FGF12: variants seen among roughly 807,000 people sequenced by gnomAD.
The protein encoded by FGF12 is fibroblast growth factor 12.
FGF12 carries 14 observed loss-of-function variants against 23.6 expected under a neutral mutation model. The observed-to-expected ratio is 0.59, with a 90% CI of 0.39 to 0.93. The LOEUF is 0.93. Among genes scored for constraint, FGF12 ranks in the 40% least tolerant of loss-of-function variants. The pLI, the probability that FGF12 is intolerant of heterozygous loss-of-function variation, is 0.00. For synonymous variants in FGF12, 62 were observed against 77.3 expected (o/e 0.80, Z 1.04); for missense variants, 175 against 217.8 (o/e 0.80, Z 1.24).
intron 2 of FGF12, among the ~76,000 whole-genome samples, chr3:192,370,408 T>C (rs1405512891): frequency 6.6e-6 from 1 of 152,040 alleles, no homozygotes; most frequent in East Asian, 1.9e-4. Context: ...CCAGGCATGG[T>C]GGTGCACACC....
At chr3:192,266,899 A>G (rs1713112447) in intron 4 of FGF12, 1 of 152,112 alleles carries the variant, frequency 6.6e-6, no homozygotes, top group Non-Finnish European at 1.5e-5. Context: ...GAAAAAATCT[A>G]TGAAGTGACT....
intron 2 of FGF12, chr3:192,726,972 G>T: frequency 1.6e-6 from 1 of 617,526 alleles, no homozygotes; most frequent in Non-Finnish European, 2.8e-6. Flanking sequence ...GCAACTGATG[G>T]AGTATTAAAC....
At chr3:192,679,379 C>G (rs1717439105) in intron 2 of FGF12, among the ~76,000 whole-genome samples, 1 of 152,138 alleles carries the variant, frequency 6.6e-6, no homozygotes, top group African/African-American at 2.4e-5. Flanking sequence ...AGGTGGATCA[C>G]TTGAGGTCAG....
At chr3:192,204,880 C>T (rs1300842520) in intron 4 of FGF12, among the ~76,000 whole-genome samples, 1 of 151,434 alleles carries the variant, frequency 6.6e-6, no homozygotes, top group African/African-American at 2.4e-5. Flanking sequence ...TAGAGTGAGA[C>T]TCCATCTCAA....
In FGF12 at chr3:192,142,002, C is replaced by G. The variant is rs905839149; in HGVS notation, c.*2007G>C. The G allele has an allele frequency of 6.6e-6, 1 of 151,486 alleles. No individual in the cohort carries two copies. Among genetic ancestry groups the G allele is most frequent in the Non-Finnish European group, 1.5e-5 (1 of 67,736 alleles). 9.4% of individuals were successfully genotyped at this position (151,486 alleles called of 1,614,324 possible). On this transcript the variant is annotated 3_prime_UTR_variant, in exon 6 of 6. Coordinates refer to ENST00000445105, the MANE Select transcript of FGF12 (RefSeq NM_004113.6). ...GAATCAAGAGTGACAAGAAGAAATA[C>G]AGCTAGAGTTATATTTTTGCCCCAG...
At chr3:192,304,858 T>G (rs952304421) in intron 4 of FGF12, among the ~76,000 whole-genome samples, 3 of 152,246 alleles carry the variant, frequency 2.0e-5, no homozygotes, top group East Asian at 1.9e-4. Flanking sequence ...TTTAGCTTTC[T>G]TGCTGTATAA....
intron 5 of FGF12, among the ~76,000 whole-genome samples, chr3:192,148,956 A>G (rs1420533154): frequency 6.6e-6 from 1 of 152,166 alleles, no homozygotes; most frequent in Non-Finnish European, 1.5e-5. Flanking sequence ...AAAAATAAAC[A>G]CTACAGGACT....
At chr3:192,482,185 T>A (rs1723498842) in intron 2 of FGF12, among the ~76,000 whole-genome samples, 1 of 152,174 alleles carries the variant, frequency 6.6e-6, no homozygotes, top group African/African-American at 2.4e-5. Context: ...GCAACCTTAG[T>A]GTTTTAGAAT....
chr3:192,204,506 A>G (rs1210563203), intron 4 of FGF12, among the ~76,000 whole-genome samples: 1 of 152,216 alleles, frequency 6.6e-6, no homozygotes, highest in East Asian at 1.9e-4. Context: ...CAATCCAGGC[A>G]GATAAATATG....
rs59504943 is a variant in FGF12 at position 192,279,230 on chromosome 3, G to GTATATATATATATATATATATATA, written c.228+56107_228+56130dup. Among the ~76,000 whole-genome samples the GTATATATATATATATATATATATA allele has an allele frequency of 6.5e-3, 859 of 131,662 alleles. 7 individuals carry two copies. Among genetic ancestry groups the GTATATATATATATATATATATATA allele is most frequent in the African/African-American group, 0.021 (691 of 32,258 alleles). 86.4% of individuals were successfully genotyped at this position (131,662 alleles called of 152,430 possible). ...TAAGTCATGCTTGGTTAATGTATGA[G>GTATATATATATATATATATATATA]TATATATATATATATATATATATAA... On this transcript the variant is annotated intron_variant, in intron 4 of 5. Transcript: ENST00000445105.
chr3:192,597,516 G>A (rs1285627632), intron 2 of FGF12, among the ~76,000 whole-genome samples: 1 of 149,652 alleles, frequency 6.7e-6, no homozygotes, highest in Non-Finnish European at 1.5e-5. Context: ...GAGCCACAAA[G>A]GGGAAAAAAG....
chr3:192,652,927 T>C (rs1560182626), intron 2 of FGF12, among the ~76,000 whole-genome samples: 1 of 152,100 alleles, frequency 6.6e-6, no homozygotes, highest in Non-Finnish European at 1.5e-5. Flanking sequence ...AGGTGGTGAG[T>C]CATCACTTTT....
intron 4 of FGF12, among the ~76,000 whole-genome samples, chr3:192,305,347 A>C (rs989226276): frequency 7.2e-5 from 11 of 152,166 alleles, no homozygotes; most frequent in East Asian, 1.9e-4. Flanking sequence ...GTAAAAAAAA[A>C]CAAATTTTTA....
At chr3:192,319,322 C>T (rs1183557112) in intron 4 of FGF12, among the ~76,000 whole-genome samples, 4 of 152,030 alleles carry the variant, frequency 2.6e-5, no homozygotes, top group African/African-American at 4.8e-5. Context: ...CTGGGCTGGG[C>T]GCAGTGGCTC....
chr3:192,714,866 A>G lies in FGF12; in HGVS notation c.13+12315T>C, dbSNP rs1718818478. Among the ~76,000 whole-genome samples the G allele has an allele frequency of 2.0e-5, 3 of 152,230 alleles. No homozygotes were observed. In the South Asian group the frequency reaches 6.2e-4, roughly 31 times the overall value. ...CACTTTTCGAAAGGTTATTTTCAAAAGGAACTTTACCCTAGAATACTAGTC... is the reference window on the plus strand; with the variant it reads ...CACTTTTCGAAAGGTTATTTTCAAAGGGAACTTTACCCTAGAATACTAGTC... On this transcript the variant is annotated intron_variant, in intron 2 of 5. Coordinates refer to ENST00000445105, the MANE Select transcript of FGF12 (RefSeq NM_004113.6).
intron 2 of FGF12, among the ~76,000 whole-genome samples, chr3:192,590,808 T>A (rs1713582218): frequency 6.6e-6 from 1 of 151,798 alleles, no homozygotes; most frequent in Non-Finnish European, 1.5e-5. Context: ...CTCTCAAAAG[T>A]GGCACCATCA....
At chr3:192,577,330 C>T (rs966967750) in intron 2 of FGF12, among the ~76,000 whole-genome samples, 2 of 152,094 alleles carry the variant, frequency 1.3e-5, no homozygotes, top group Non-Finnish European at 2.9e-5. Context: ...GCATATTGTC[C>T]TTAGTGCAAG....
At chr3:192,485,624 T>C (rs9853734) in intron 2 of FGF12, among the ~76,000 whole-genome samples, 15,951 of 152,134 alleles carry the variant, frequency 0.1, 2,678 homozygotes, top group African/African-American at 0.35. Context: ...AAATTTTTTT[T>C]AGTGATATCA....
chr3:192,360,777 G>C lies in FGF12; in HGVS notation c.14-239C>G. 2.0e-6 allele frequency: 1 copy of C among 506,680 alleles called. No homozygotes were observed. The highest frequency in any genetic ancestry group is 3.4e-5 in the East Asian group (1 of 29,624). 31.4% of individuals were successfully genotyped at this position (506,680 alleles called of 1,614,324 possible). A position where few individuals can be genotyped will look rare whatever the true frequency, so the allele number is the denominator to read the frequency against. Reference sequence around the variant, plus strand: ...AAATAAATAAAAGCTAATTATGATTGGGAAAATACAGAGACATGCTAAAAA... The same window carrying C: ...AAATAAATAAAAGCTAATTATGATTCGGAAAATACAGAGACATGCTAAAAA... On this transcript the variant is annotated intron_variant, in intron 2 of 5. Coordinates refer to ENST00000445105, the MANE Select transcript of FGF12 (RefSeq NM_004113.6). The surrounding 1 kb of genome is among the most constrained non-coding windows in gnomAD (Gnocchi z 4.3).
Sources: gnomAD v4.1 joint callset for allele counts (sites outside exome capture counted in the v4.1 genomes callset) on GRCh38, gnomAD v4.1.1 for gene constraint, Gnocchi (gnomAD v3.1) non-coding constraint, MANE v1.5 for transcripts, NCBI Gene and HGNC (gene_info 2026-07-23, HGNC 2026-07-21) for gene names.